Variants in SLC24A2 observed in about 807,000 individuals in gnomAD.
SLC24A2 encodes solute carrier family 24 member 2.
A neutral mutation model predicts 62.0 loss-of-function variants in SLC24A2; 36 were observed. That is an observed-to-expected ratio of 0.58 (90% CI 0.44 to 0.77). The LOEUF is 0.77. Ranked by LOEUF, SLC24A2 falls within the 30% of genes least tolerant of loss-of-function variation. The probability of loss-of-function intolerance (pLI) is 0.00; values close to 1 mark genes in which losing one functional copy is unlikely to be tolerated. For synonymous variants in SLC24A2, 358 were observed against 294.0 expected, an observed-to-expected ratio of 1.22 and a Z score of -2.23; for missense variants, 846 against 817.9, an observed-to-expected ratio of 1.03 and a Z score of -0.42.
the SLC24A2 span, among the ~76,000 whole-genome samples, chr9:19,900,422 C>G: frequency 6.6e-6 from 1 of 152,182 alleles, no homozygotes; most frequent in Admixed American, 6.5e-5. Context: ...TTAATTTCCC[C>G]TCCCTCTTCC....
chr9:19,605,751 T>C (rs188882741), intron 4 of SLC24A2, among the ~76,000 whole-genome samples: 1 of 152,350 alleles, frequency 6.6e-6, no homozygotes, highest in East Asian at 1.9e-4. Flanking sequence ...CAAGCACTGT[T>C]CTATGTGCCC....
At chr9:19,850,998 TATACACATACATATATATATATATACATA>T in the SLC24A2 span, among the ~76,000 whole-genome samples, 3 of 48,866 alleles carry the variant, frequency 6.1e-5, no homozygotes, top group South Asian at 4.3e-4. Flanking sequence ...TATATATATA[TATACACATACATATATATATATATACATA>T]TTTTTTTTTT....
chr9:19,990,931 A>ATGTGTG, the SLC24A2 span, among the ~76,000 whole-genome samples: 3 of 119,488 alleles, frequency 2.5e-5, no homozygotes, highest in Admixed American at 7.9e-5. Context: ...GGATATATAT[A>ATGTGTG]TATATGTATG....
chr9:19,642,973 C>T (rs1587084453), intron 2 of SLC24A2, among the ~76,000 whole-genome samples: 1 of 142,694 alleles, frequency 7.0e-6, no homozygotes, highest in African/African-American at 2.6e-5. Context: ...AGCCACCGTG[C>T]CTGGCCAGTA....
the SLC24A2 span, among the ~76,000 whole-genome samples, chr9:20,069,314 T>A: frequency 9.2e-5 from 14 of 152,332 alleles, no homozygotes; most frequent in African/African-American, 2.4e-4. Context: ...TTGATTTAAA[T>A]TTTCCATAAA....
chr9:20,088,061 G>A, the SLC24A2 span, among the ~76,000 whole-genome samples: 1 of 152,202 alleles, frequency 6.6e-6, no homozygotes, highest in South Asian at 2.1e-4. Context: ...AGGCCTCTTA[G>A]GTTCACATGG....
At chr9:19,530,730 T>C (rs1445017022) in intron 8 of SLC24A2, among the ~76,000 whole-genome samples, 1 of 152,178 alleles carries the variant, frequency 6.6e-6, no homozygotes, top group African/African-American at 2.4e-5. Flanking sequence ...CAATTAGTAA[T>C]TAATGGGCAT....
intron 8 of SLC24A2, among the ~76,000 whole-genome samples, chr9:19,545,656 T>G (rs1433160156): frequency 6.6e-6 from 1 of 152,008 alleles, no homozygotes; most frequent in Non-Finnish European, 1.5e-5. Flanking sequence ...CTTTTTTTTT[T>G]GTGACAGAGT....
At chr9:19,675,148 G>A (rs988109628) in intron 2 of SLC24A2, among the ~76,000 whole-genome samples, 2 of 152,280 alleles carry the variant, frequency 1.3e-5, no homozygotes, top group Admixed American at 1.3e-4. Flanking sequence ...GCCACCCAGT[G>A]GAGCTACTGG....
chr9:19,637,316 C>T (rs754414993), intron 2 of SLC24A2, among the ~76,000 whole-genome samples: 5 of 152,212 alleles, frequency 3.3e-5, no homozygotes, highest in African/African-American at 7.2e-5. Context: ...GGCAGGGTGC[C>T]GGAGGTCTGC....
chr9:19,965,236 G>C, the SLC24A2 span, among the ~76,000 whole-genome samples: 1 of 152,068 alleles, frequency 6.6e-6, no homozygotes, highest in Non-Finnish European at 1.5e-5. Context: ...TGACCAATCA[G>C]AATGAAGGCA....
the SLC24A2 span, among the ~76,000 whole-genome samples, chr9:19,843,395 C>T: frequency 6.6e-6 from 1 of 152,218 alleles, no homozygotes; most frequent in Non-Finnish European, 1.5e-5. Context: ...GCCTGTAACC[C>T]TAGCTACTCA....
chr9:20,022,942 G>A, the SLC24A2 span, among the ~76,000 whole-genome samples: 1 of 152,236 alleles, frequency 6.6e-6, no homozygotes, highest in African/African-American at 2.4e-5. Flanking sequence ...TGAGCAGAGA[G>A]AGGTATGGTC....
the SLC24A2 span, among the ~76,000 whole-genome samples, chr9:20,283,205 G>C: frequency 6.6e-6 from 1 of 152,192 alleles, no homozygotes; most frequent in African/African-American, 2.4e-5. Flanking sequence ...GTGGTTTTGA[G>C]CATCTAGTTA....
the SLC24A2 span, among the ~76,000 whole-genome samples, chr9:19,848,541 A>T: frequency 7.9e-5 from 12 of 152,292 alleles, no homozygotes; most frequent in African/African-American, 2.9e-4. Context: ...TGTGTAAATG[A>T]TATATGGTAT....
chr9:19,845,927 T>A, the SLC24A2 span, among the ~76,000 whole-genome samples: 1 of 152,214 alleles, frequency 6.6e-6, no homozygotes, highest in Non-Finnish European at 1.5e-5. Flanking sequence ...TCATTTCTAT[T>A]TTTATTCCAC....
the SLC24A2 span, among the ~76,000 whole-genome samples, chr9:19,971,675 C>T: frequency 6.6e-6 from 1 of 151,442 alleles, no homozygotes; most frequent in Non-Finnish European, 1.5e-5. Context: ...CTCTGAGAGG[C>T]CATTCAGAAT....
At chr9:19,668,863 C>A (rs1215385496) in intron 2 of SLC24A2, among the ~76,000 whole-genome samples, 2 of 152,092 alleles carry the variant, frequency 1.3e-5, no homozygotes, top group East Asian at 1.9e-4. Flanking sequence ...TTTCATTTTT[C>A]TGTGACCATA....
chr9:19,528,150 C>G lies in SLC24A2; in HGVS notation c.1480-12G>C, dbSNP rs1474828119. On this transcript the variant is annotated splice_polypyrimidine_tract_variant and intron_variant, in intron 8 of 10. Coordinates refer to ENST00000341998, the MANE Select transcript of SLC24A2 (RefSeq NM_020344.4). ...AACTTCCTCGATGACTGAAAGACAA[C>G]CAGGAAGAGTTGAGAATATCAGTGT... 6.5e-7 allele frequency: 1 copy of G among 1,535,798 alleles called. No homozygotes were observed. Among genetic ancestry groups the G allele is most frequent in the South Asian group, 1.2e-5 (1 of 84,896 alleles).
Sources: gnomAD v4.1 joint callset for allele counts (sites outside exome capture counted in the v4.1 genomes callset) on GRCh38, gnomAD v4.1.1 for gene constraint, MANE v1.5 for transcripts, NCBI Gene and HGNC (gene_info 2026-07-23, HGNC 2026-07-21) for gene names.